Variants in INPP5D observed in about 807,000 individuals in gnomAD.
The protein encoded by INPP5D is phosphatidylinositol 3,4,5-trisphosphate 5-phosphatase 1.
Under a neutral mutation model 122.9 loss-of-function variants are expected in INPP5D, and 33 were observed. That is an observed-to-expected ratio of 0.27 (90% CI 0.20 to 0.36). INPP5D has a LOEUF of 0.36. Among genes scored for constraint, INPP5D ranks in the 10% least tolerant of loss-of-function variants. The pLI, the probability that INPP5D is intolerant of heterozygous loss-of-function variation, is 1.00. For synonymous variants in INPP5D, 584 were observed against 576.2 expected (o/e 1.01, Z -0.19); for missense variants, 1,053 against 1,412.7 (o/e 0.75, Z 4.08).
intron 20 of INPP5D, among the ~76,000 whole-genome samples, chr2:233,185,338 C>T (rs887537770): frequency 2.6e-5 from 4 of 152,278 alleles, no homozygotes; most frequent in South Asian, 2.1e-4. Context: ...GTCACTGAGT[C>T]CCCAAGCTCC....
At chr2:233,127,672 G>T (rs572023693) in intron 4 of INPP5D, among the ~76,000 whole-genome samples, 3 of 152,182 alleles carry the variant, frequency 2.0e-5, no homozygotes, top group Non-Finnish European at 4.4e-5. Context: ...GCAAAGGCAC[G>T]ATCTCAGCTC....
intron 5 of INPP5D, among the ~76,000 whole-genome samples, chr2:233,138,283 G>A (rs1051404736): frequency 1.8e-4 from 26 of 145,258 alleles, no homozygotes; most frequent in Non-Finnish European, 2.1e-4. Flanking sequence ...CTCCAGCCTG[G>A]GCCACAGAGT....
At chr2:233,116,708 C>T (rs111511137) in intron 2 of INPP5D, among the ~76,000 whole-genome samples, 10,411 of 152,092 alleles carry the variant, frequency 0.068, 782 homozygotes, top group African/African-American at 0.19. Context: ...GCGATTCTCC[C>T]GCCTCAGCCT....
At chr2:233,077,060 A>G (rs1559276714) in intron 1 of INPP5D, among the ~76,000 whole-genome samples, 1 of 152,266 alleles carries the variant, frequency 6.6e-6, no homozygotes, top group African/African-American at 2.4e-5. Context: ...TGTACAGCAC[A>G]TGGTGAAACA....
intron 5 of INPP5D, 107 bp downstream of exon 5, chr2:233,130,755 C>T (rs780833131): frequency 1.8e-5 from 21 of 1,157,446 alleles, no homozygotes; most frequent in Admixed American, 9.6e-5. Flanking sequence ...ATGCCTCTGC[C>T]GCACTCACAA....
chr2:233,142,042 T>C (rs1482417657), intron 6 of INPP5D, among the ~76,000 whole-genome samples: 1 of 152,230 alleles, frequency 6.6e-6, no homozygotes, highest in African/African-American at 2.4e-5. Flanking sequence ...TGAACTTAAG[T>C]AGTTTGAGTG....
intron 2 of INPP5D, among the ~76,000 whole-genome samples, chr2:233,087,902 GGTTCTCTTTTCTGGACTCA>G (rs1348662469): frequency 6.6e-6 from 1 of 152,072 alleles, no homozygotes; most frequent in Admixed American, 6.5e-5. Context: ...ATTCGAGACG[GGTTCTCTTTTCTGGACTCA>G]GTTCTGCTGT....
chr2:233,067,564 G>A (rs559438690), intron 1 of INPP5D, among the ~76,000 whole-genome samples: 71 of 152,340 alleles, frequency 4.7e-4, no homozygotes, highest in African/African-American at 1.7e-3. Context: ...ATATCTAGGA[G>A]CAGAATTGCT....
At chr2:233,097,703 T>C (rs912127293) in intron 2 of INPP5D, among the ~76,000 whole-genome samples, 1 of 152,166 alleles carries the variant, frequency 6.6e-6, no homozygotes, top group Admixed American at 6.5e-5. Context: ...TTTTAATAGT[T>C]TCTGAATTTA....
At chr2:233,091,500 C>T (rs1441171809) in intron 2 of INPP5D, among the ~76,000 whole-genome samples, 1 of 152,154 alleles carries the variant, frequency 6.6e-6, no homozygotes, top group Non-Finnish European at 1.5e-5. Context: ...CTAGGGGTCA[C>T]CTGCATTCCT....
chr2:233,078,015 G>A lies in INPP5D; in HGVS notation c.135-1320G>A, dbSNP rs1229423976. 1.3e-5 allele frequency among the ~76,000 whole-genome samples: 2 copies of A among 152,188 alleles called. No homozygotes were observed. Among genetic ancestry groups the A allele is most frequent in the African/African-American group, 2.4e-5 (1 of 41,442 alleles). On this transcript the variant is annotated intron_variant, in intron 1 of 26. Transcript: ENST00000445964. This position sits in a 1 kb window ranked among gnomAD's most constrained non-coding sequence, Gnocchi z 4.6. Reference sequence around the variant, plus strand: ...GCTGGTCCTGTCTACAGGGCTCTACGGGCCAGGTGAGCCTTCCGGGCTCAG... The same window carrying A: ...GCTGGTCCTGTCTACAGGGCTCTACAGGCCAGGTGAGCCTTCCGGGCTCAG...
intron 1 of INPP5D, among the ~76,000 whole-genome samples, chr2:233,075,213 G>C (rs1368946351): frequency 1.3e-5 from 2 of 152,322 alleles, no homozygotes; most frequent in East Asian, 3.9e-4. Flanking sequence ...TTTGTTAGCA[G>C]AAGGAAGTAC....
Position 233,171,729 on chromosome 2 carries a change from G to A in INPP5D, c.1989+577G>A, listed in dbSNP as rs559998552. 8.5e-5 allele frequency among the ~76,000 whole-genome samples: 13 copies of A among 152,352 alleles called. No homozygotes were observed. The South Asian group carries it at 2.1e-3, about 24-fold the overall frequency. ...TATTATGGGTTAGGCACTCTCCTAG[G>A]TGATGGGAGAGCAAAGATGTCTTTT... On this transcript the variant is annotated intron_variant, in intron 17 of 26. Coordinates refer to ENST00000445964, the MANE Select transcript of INPP5D (RefSeq NM_001017915.3).
intron 18 of INPP5D, among the ~76,000 whole-genome samples, chr2:233,178,109 A>G (rs1456833584): frequency 6.6e-6 from 1 of 152,226 alleles, no homozygotes; most frequent in Non-Finnish European, 1.5e-5. Context: ...AAAATAAATA[A>G]TTATGGAATA....
At chr2:233,084,206 A>G (rs1362160850) in intron 2 of INPP5D, among the ~76,000 whole-genome samples, 2 of 152,176 alleles carry the variant, frequency 1.3e-5, no homozygotes. Context: ...GGTGTGCACC[A>G]CTATGCCCAG....
chr2:233,089,350 A>G (rs1455311179), intron 2 of INPP5D, among the ~76,000 whole-genome samples: 1 of 152,190 alleles, frequency 6.6e-6, no homozygotes, highest in Non-Finnish European at 1.5e-5. Context: ...CACTATTCCC[A>G]TTTTTAAATT....
intron 9 of INPP5D, among the ~76,000 whole-genome samples, chr2:233,156,947 C>T (rs563118607): frequency 1.2e-4 from 18 of 152,170 alleles, no homozygotes; most frequent in Non-Finnish European, 2.2e-4. Context: ...ACAGCAGTCT[C>T]GGGTCTGTTG....
Position 233,125,659 on chromosome 2 carries a change from C to T in INPP5D, c.350-86C>T, listed in dbSNP as rs539184374. ...AGATGGAGATCAATAACGTGGGTGT[C>T]GTGGCCTGGACCCCATGGGGCTGCG... On this transcript the variant is annotated intron_variant, in intron 3 of 26. Transcript: ENST00000445964. 64 of 1,216,396 alleles carry T rather than the reference C, an allele frequency of 5.3e-5. 1 individual carries two copies. The highest frequency in any genetic ancestry group is 4.9e-4 in the South Asian group (33 of 67,250). The allele number at this position is 1,216,396 out of a possible 1,614,324, so 75.4% of individuals were successfully genotyped here. A position where few individuals can be genotyped will look rare whatever the true frequency, so the allele number is the denominator to read the frequency against.
chr2:233,179,860 C>A (rs542985432), intron 18 of INPP5D, among the ~76,000 whole-genome samples: 1 of 152,194 alleles, frequency 6.6e-6, no homozygotes, highest in Non-Finnish European at 1.5e-5. Flanking sequence ...TATCAGCTGT[C>A]TATTGCTGCA....
Sources: gnomAD v4.1 joint callset for allele counts (sites outside exome capture counted in the v4.1 genomes callset) on GRCh38, gnomAD v4.1.1 for gene constraint, Gnocchi (gnomAD v3.1) non-coding constraint, MANE v1.5 for transcripts, NCBI Gene and HGNC (gene_info 2026-07-23, HGNC 2026-07-21) for gene names.